The following CDK14 variants were observed in gnomAD, a reference collection of about 807,000 sequenced individuals.
CDK14 encodes the protein cyclin-dependent kinase 14.
Under a neutral mutation model 60.7 loss-of-function variants are expected in CDK14, and 34 were observed. The observed-to-expected ratio is 0.56, with a 90% CI of 0.43 to 0.75. The LOEUF (loss-of-function observed/expected upper bound fraction) is 0.75, where lower values mean the gene tolerates loss of function less well. CDK14 is among the 30% of genes least tolerant of loss of function. CDK14 has a pLI of 0.00. For missense variants in CDK14, 482 were observed against 564.1 expected (o/e 0.85, Z 1.47); for synonymous variants, 197 against 203.7 (o/e 0.97, Z 0.28).
intron 5 of CDK14, among the ~76,000 whole-genome samples, chr7:90,808,601 A>T (rs955981522): frequency 2.0e-5 from 3 of 152,208 alleles, no homozygotes; most frequent in Non-Finnish European, 4.4e-5. Context: ...GACAGGATCA[A>T]ATTCACACAT....
intron 10 of CDK14, among the ~76,000 whole-genome samples, chr7:91,009,516 A>C (rs1469402872): frequency 2.0e-5 from 3 of 152,138 alleles, no homozygotes; most frequent in Admixed American, 6.6e-5. Context: ...GTTGTTGTAC[A>C]TCTTTAATTT....
intron 10 of CDK14, among the ~76,000 whole-genome samples, chr7:91,024,739 A>G (rs1334298760): frequency 6.6e-6 from 1 of 152,238 alleles, no homozygotes; most frequent in East Asian, 1.9e-4. Context: ...TTCCATGATC[A>G]TGTGACTGGT....
chr7:90,992,018 C>T (rs1438649430), intron 10 of CDK14, among the ~76,000 whole-genome samples: 1 of 152,122 alleles, frequency 6.6e-6, no homozygotes, highest in African/African-American at 2.4e-5. Context: ...AGAAGAGATC[C>T]AGTGAAAATG....
chr7:90,711,209 A>G (rs753925876), intron 2 of CDK14, among the ~76,000 whole-genome samples: 1 of 152,046 alleles, frequency 6.6e-6, no homozygotes, highest in Non-Finnish European at 1.5e-5. Context: ...TGAGAGAAAT[A>G]TGGGTAACTG....
chr7:91,160,497 TG>T (rs551870327), intron 14 of CDK14, among the ~76,000 whole-genome samples: 2,849 of 151,828 alleles, frequency 0.019, 45 homozygotes, highest in Non-Finnish European at 0.025. Flanking sequence ...TATGTTATGA[TG>T]GGGGGGGATA....
At chr7:90,821,110 G>A (rs1789530237) in intron 5 of CDK14, among the ~76,000 whole-genome samples, 1 of 152,102 alleles carries the variant, frequency 6.6e-6, no homozygotes, top group South Asian at 2.1e-4. Flanking sequence ...CTGATTATAT[G>A]TCCCTTCTTT....
chr7:90,905,540 A>T (rs75818378), intron 7 of CDK14, among the ~76,000 whole-genome samples: 2 of 152,124 alleles, frequency 1.3e-5, no homozygotes, highest in Non-Finnish European at 2.9e-5. Context: ...AAAACAAAAA[A>T]TACCTCTTTA....
intron 5 of CDK14, among the ~76,000 whole-genome samples, chr7:90,826,761 A>C (rs1169415731): frequency 6.6e-6 from 1 of 152,134 alleles, no homozygotes; most frequent in African/African-American, 2.4e-5. Context: ...TTGAGTGTAA[A>C]GTCCAGAGAT....
At chr7:91,019,305 C>CT (rs1796380951) in intron 10 of CDK14, among the ~76,000 whole-genome samples, 1 of 152,118 alleles carries the variant, frequency 6.6e-6, no homozygotes. Context: ...GGGACTACTT[C>CT]TTTCATGTCT....
intron 8 of CDK14, among the ~76,000 whole-genome samples, chr7:90,935,329 A>T (rs970127241): frequency 6.6e-6 from 1 of 152,244 alleles, no homozygotes. Flanking sequence ...CATTCAGACC[A>T]TAGCAGTCAT....
At chr7:90,863,668 A>ATATG (rs1554358007) in intron 6 of CDK14, among the ~76,000 whole-genome samples, 16 of 48,848 alleles carry the variant, frequency 3.3e-4, no homozygotes, top group African/African-American at 9.8e-4. Flanking sequence ...GCTTATTAAG[A>ATATG]TATGTGTGTG....
chr7:90,989,573 G>A lies in CDK14; in HGVS notation c.1041+5332G>A, dbSNP rs947248570. Among the ~76,000 whole-genome samples the A allele has an allele frequency of 3.9e-5, 6 of 152,162 alleles. No individual in the cohort carries two copies. The East Asian group carries it at 7.7e-4, about 20-fold the overall frequency. ...ATGAAAATCAAGGCAGGTGGGCAAG[G>A]CATACTTCAGGAATGGAATCATGAA... On this transcript the variant is annotated intron_variant, in intron 10 of 14. Coordinates refer to ENST00000380050, the MANE Select transcript of CDK14 (RefSeq NM_001287135.2).
chr7:91,035,898 C>T (rs978026811), intron 10 of CDK14, among the ~76,000 whole-genome samples: 1 of 134,912 alleles, frequency 7.4e-6, no homozygotes, highest in Non-Finnish European at 1.5e-5. Flanking sequence ...CTGCGGACTG[C>T]AGTGGCGCAA....
chr7:90,867,708 T>C (rs1332465326), intron 6 of CDK14, among the ~76,000 whole-genome samples: 1 of 152,080 alleles, frequency 6.6e-6, no homozygotes, highest in Non-Finnish European at 1.5e-5. Flanking sequence ...TGATAAAAGT[T>C]TCAGTCGTAA....
chr7:90,643,485 G>A (rs1022632571), intron 2 of CDK14, among the ~76,000 whole-genome samples: 2 of 152,028 alleles, frequency 1.3e-5, no homozygotes, highest in African/African-American at 4.8e-5. Flanking sequence ...TACACCATAT[G>A]GAAATTTCTT....
chr7:91,182,890 T>C (rs1397326252), intron 14 of CDK14, among the ~76,000 whole-genome samples: 1 of 152,214 alleles, frequency 6.6e-6, no homozygotes, highest in East Asian at 1.9e-4. Context: ...TCCTATTCCT[T>C]ATAAATGTTG....
At chr7:91,015,805 A>G (rs1289313805) in intron 10 of CDK14, among the ~76,000 whole-genome samples, 2 of 151,802 alleles carry the variant, frequency 1.3e-5, no homozygotes, top group African/African-American at 2.4e-5. Context: ...AAAAAAAGGC[A>G]TATAAACATT....
chr7:90,920,184 T>C (rs759422963), intron 8 of CDK14, among the ~76,000 whole-genome samples: 20 of 152,338 alleles, frequency 1.3e-4, no homozygotes, highest in Non-Finnish European at 2.4e-4. Flanking sequence ...TCAGACAGAA[T>C]AGGATGGTTC....
intron 2 of CDK14, among the ~76,000 whole-genome samples, chr7:90,659,237 A>G (rs142720958): frequency 1.6e-4 from 24 of 152,296 alleles, no homozygotes; most frequent in African/African-American, 5.1e-4. Context: ...TTGGTAGAAT[A>G]TTGGTTGAAA....
Sources: gnomAD v4.1 joint callset for allele counts (sites outside exome capture counted in the v4.1 genomes callset) on GRCh38, gnomAD v4.1.1 for gene constraint, MANE v1.5 for transcripts, NCBI Gene and HGNC (gene_info 2026-07-23, HGNC 2026-07-21) for gene names.